Variants in HIVEP3 observed in about 807,000 individuals in gnomAD.
HIVEP3 encodes the protein transcription factor HIVEP3.
Under a neutral mutation model 152.8 loss-of-function variants are expected in HIVEP3, and 49 were observed. The observed-to-expected ratio is 0.32, with a 90% CI of 0.26 to 0.41. The LOEUF (loss-of-function observed/expected upper bound fraction) is 0.41. Among genes scored for constraint, HIVEP3 ranks in the 10% least tolerant of loss-of-function variants. The pLI is 1.00. For missense variants in HIVEP3, 2,790 were observed against 3,103.3 expected (o/e 0.90, Z 2.40); for synonymous variants, 1,269 against 1,289.0 (o/e 0.98, Z 0.33).
intron 1 of HIVEP3, among the ~76,000 whole-genome samples, chr1:41,781,796 C>T (rs528758682): frequency 6.6e-6 from 1 of 152,340 alleles, no homozygotes; most frequent in South Asian, 2.1e-4. Flanking sequence ...TGCCTCTGAG[C>T]ATTTGCACAT....
chr1:41,751,759 A>G (rs1647167213), intron 1 of HIVEP3, among the ~76,000 whole-genome samples: 1 of 152,158 alleles, frequency 6.6e-6, no homozygotes, highest in African/African-American at 2.4e-5. Context: ...AGAGTGTCTA[A>G]TGCTTCCCAT....
chr1:41,856,500 A>G (rs937344630), intron 1 of HIVEP3, among the ~76,000 whole-genome samples: 3 of 152,184 alleles, frequency 2.0e-5, no homozygotes, highest in African/African-American at 7.2e-5. Flanking sequence ...AAACATTACA[A>G]TCAGAAGCTC....
chr1:41,544,946 T>TC (rs1558046923), intron 5 of HIVEP3, among the ~76,000 whole-genome samples: 3 of 198 alleles, frequency 0.015, 1 homozygote, highest in East Asian at 1. Flanking sequence ...CCACCACCAC[T>TC]ACCACCTCTA....
intron 5 of HIVEP3, among the ~76,000 whole-genome samples, chr1:41,545,960 T>C (rs1558049779): frequency 6.6e-6 from 1 of 152,216 alleles, no homozygotes; most frequent in Non-Finnish European, 1.5e-5. Context: ...TCCCAGTTAA[T>C]GGCAGTGAGG....
At chr1:41,868,710 C>T (rs2124410460) in intron 1 of HIVEP3, among the ~76,000 whole-genome samples, 1 of 152,310 alleles carries the variant, frequency 6.6e-6, no homozygotes, top group Non-Finnish European at 1.5e-5. Flanking sequence ...AAAGCATGGG[C>T]TTGCTCAGCA....
chr1:41,612,319 C>T (rs1462563379), intron 3 of HIVEP3, among the ~76,000 whole-genome samples: 1 of 152,200 alleles, frequency 6.6e-6, no homozygotes, highest in African/African-American at 2.4e-5. Flanking sequence ...ATCATAATCC[C>T]AACAATGCCG....
chr1:41,718,418 G>A (rs1646627142), intron 1 of HIVEP3, among the ~76,000 whole-genome samples: 1 of 152,236 alleles, frequency 6.6e-6, no homozygotes, highest in Admixed American at 6.5e-5. Flanking sequence ...GTTGTCGTGA[G>A]AATTAAGATA....
chr1:41,639,098 A>T (rs1645332538), intron 2 of HIVEP3, among the ~76,000 whole-genome samples: 1 of 152,202 alleles, frequency 6.6e-6, no homozygotes, highest in African/African-American at 2.4e-5. Context: ...GGAAAGTCAA[A>T]TTTGATCTGT....
chr1:41,797,960 C>T (rs1306496196), intron 1 of HIVEP3, among the ~76,000 whole-genome samples: 4 of 151,976 alleles, frequency 2.6e-5, no homozygotes, highest in Non-Finnish European at 4.4e-5. Flanking sequence ...AGCCTGGCAA[C>T]AGAGCAAGAC....
intron 3 of HIVEP3, among the ~76,000 whole-genome samples, chr1:41,614,270 A>T (rs1423339410): frequency 6.6e-6 from 1 of 152,232 alleles, no homozygotes; most frequent in Non-Finnish European, 1.5e-5. Flanking sequence ...GTGGTGAGAG[A>T]GGCGTGTCAA....
chr1:41,993,021 C>T (rs348130), intron 1 of HIVEP3, among the ~76,000 whole-genome samples: 7,214 of 143,758 alleles, frequency 0.05, 515 homozygotes, highest in African/African-American at 0.18. Flanking sequence ...AAGACTTAAA[C>T]GTTAGACCTA....
chr1:41,845,404 T>TAC lies in HIVEP3; in HGVS notation c.-801+73007_-801+73008dup, dbSNP rs1181074543. 1.3e-3 allele frequency among the ~76,000 whole-genome samples: 157 copies of TAC among 119,400 alleles called. 4 individuals are homozygous for TAC. The highest frequency in any genetic ancestry group is 5.0e-3 in the African/African-American group (138 of 27,524). The allele number at this position is 119,400 out of a possible 152,430, so 78.3% of individuals were successfully genotyped here. A position where few individuals can be genotyped will look rare whatever the true frequency, so the allele number is the denominator to read the frequency against. Reference sequence around the variant, plus strand: ...GCAACAACCACCTACACACCTCCTATACACACACACACACGCACACACACA... The same window carrying TAC: ...GCAACAACCACCTACACACCTCCTATACACACACACACACACGCACACACACA... On this transcript the variant is annotated intron_variant, in intron 1 of 8. Coordinates refer to ENST00000372583, the MANE Select transcript of HIVEP3 (RefSeq NM_024503.5).
chr1:41,924,025 C>T (rs1644954262), intron 1 of HIVEP3, among the ~76,000 whole-genome samples: 1 of 152,118 alleles, frequency 6.6e-6, no homozygotes. Context: ...AACTGAATTT[C>T]ACCTTATATG....
chr1:41,601,129 C>T (rs1309090575), intron 3 of HIVEP3, among the ~76,000 whole-genome samples: 1 of 152,118 alleles, frequency 6.6e-6, no homozygotes, highest in Non-Finnish European at 1.5e-5. Context: ...GTCTTTATGT[C>T]AGTACCATAC....
At chr1:41,954,798 T>C (rs906170217) in intron 1 of HIVEP3, among the ~76,000 whole-genome samples, 2 of 152,180 alleles carry the variant, frequency 1.3e-5, no homozygotes, top group Admixed American at 1.3e-4. Context: ...CCGAGTCTCC[T>C]CATTTGTGAA....
intron 1 of HIVEP3, among the ~76,000 whole-genome samples, chr1:41,808,429 C>A (rs1650761044): frequency 6.6e-6 from 1 of 152,250 alleles, no homozygotes. Flanking sequence ...AGAAATTTGA[C>A]AGGCACATCA....
intron 6 of HIVEP3, among the ~76,000 whole-genome samples, chr1:41,522,123 C>A (rs61775292): frequency 1.3e-5 from 2 of 152,186 alleles, no homozygotes; most frequent in African/African-American, 4.8e-5. Flanking sequence ...GGAGGGCTGC[C>A]TGGGGCAGGC....
chr1:41,600,124 T>TA (rs1374750791), intron 3 of HIVEP3, among the ~76,000 whole-genome samples: 1 of 152,204 alleles, frequency 6.6e-6, no homozygotes, highest in African/African-American at 2.4e-5. Context: ...GGTAGGAATG[T>TA]AAAACGGTGC....
At chr1:41,631,539 G>T (rs758064967) in intron 2 of HIVEP3, among the ~76,000 whole-genome samples, 1 of 152,008 alleles carries the variant, frequency 6.6e-6, no homozygotes, top group Non-Finnish European at 1.5e-5. Context: ...TCAGAATCAC[G>T]TTTGGCAACC....
Sources: gnomAD v4.1 joint callset for allele counts (sites outside exome capture counted in the v4.1 genomes callset) on GRCh38, gnomAD v4.1.1 for gene constraint, MANE v1.5 for transcripts, NCBI Gene and HGNC (gene_info 2026-07-23, HGNC 2026-07-21) for gene names.